The following FRMD4A variants were observed in gnomAD, a reference collection of about 807,000 sequenced individuals.
The protein encoded by FRMD4A is FERM domain-containing protein 4A.
In FRMD4A, 29 loss-of-function variants were observed where a neutral mutation model predicts 129.1. The ratio of observed to expected loss-of-function variants is 0.22; its 90% CI spans 0.17 to 0.31. The LOEUF (loss-of-function observed/expected upper bound fraction) is 0.31, where lower values mean the gene tolerates loss of function less well. FRMD4A is among the 10% of genes least tolerant of loss of function. FRMD4A has a pLI of 1.00. For missense variants in FRMD4A, 1,272 were observed against 1,375.8 expected (o/e 0.92, Z 1.19); for synonymous variants, 634 against 571.6 (o/e 1.11, Z -1.56).
At position 13,903,572 on chromosome 10, in the gene FRMD4A, T is replaced by A. The variant is rs554237327; in HGVS notation, c.46-44660A>T. Reference sequence around the variant, plus strand: ...AGCAAGACTCCAACTCTACAAAAAATGTTTTTAAATAAAAATTAGCCAGGT... The same window carrying A: ...AGCAAGACTCCAACTCTACAAAAAAAGTTTTTAAATAAAAATTAGCCAGGT... On this transcript the variant is annotated intron_variant, in intron 2 of 24. Coordinates refer to ENST00000357447, the MANE Select transcript of FRMD4A (RefSeq NM_018027.5). 2.8e-3 allele frequency among the ~76,000 whole-genome samples: 413 copies of A among 148,330 alleles called. 1 individual carries two copies. The highest frequency in any genetic ancestry group is 0.014 in the Middle Eastern group (4 of 280).
intron 2 of FRMD4A, among the ~76,000 whole-genome samples, chr10:14,033,051 A>G (rs1246994347): frequency 1.3e-5 from 2 of 152,222 alleles, no homozygotes; most frequent in Admixed American, 6.5e-5. Context: ...TCACGCCTAT[A>G]ATCCCAGCAC....
intron 2 of FRMD4A, among the ~76,000 whole-genome samples, chr10:14,016,667 C>A (rs988963415): frequency 2.0e-5 from 3 of 152,046 alleles, no homozygotes; most frequent in Admixed American, 2.0e-4. Context: ...AGGTTAAGAC[C>A]CCCTATCCCC....
chr10:14,144,639 A>C (rs1225956625), intron 2 of FRMD4A, among the ~76,000 whole-genome samples: 1 of 152,082 alleles, frequency 6.6e-6, no homozygotes, highest in Non-Finnish European at 1.5e-5. Context: ...AATTTGTGTC[A>C]CTCAGAAGGG....
At position 13,657,402 on chromosome 10, in the gene FRMD4A, G is replaced by T. The variant is rs759031284; in HGVS notation, c.2187C>A (p.Asp729Glu). Residue 729 changes from aspartate to glutamate, a missense_variant, in exon 22 of 25, where the codon GAC (aspartate) becomes GAA (glutamate). Asp to Glu is a conservative substitution (Grantham distance 45). Around this residue, in one of 2 missense-constraint regions of FRMD4A, gnomAD observed 972 missense variants for 892.3 expected, o/e 1.09. Transcript: ENST00000357447. Reference sequence around the variant, plus strand: ...TGCTACGAGTCCGCGGGGTGTAGAAGTCGGGGCTCCCGGTGTCGTTTTCCG... The same window carrying T: ...TGCTACGAGTCCGCGGGGTGTAGAATTCGGGGCTCCCGGTGTCGTTTTCCG... The part of the protein sequence containing the change: ...LGSENDTGSP[D>E]FYTPRTRSSN... The T allele has an allele frequency of 1.2e-6, 2 of 1,607,910 alleles. No individual in the cohort carries two copies. The highest frequency in any genetic ancestry group is 2.7e-5 in the African/African-American group (2 of 73,396).
chr10:14,089,630 C>CAAAAAAAAAAAA (rs59553317), intron 2 of FRMD4A, among the ~76,000 whole-genome samples: 6 of 130,786 alleles, frequency 4.6e-5, no homozygotes, highest in East Asian at 2.3e-4. Context: ...AAAAAAAAAA[C>CAAAAAAAAAAAA]AAAAAAAAAC....
At chr10:14,123,091 TA>T (rs1233491985) in intron 2 of FRMD4A, among the ~76,000 whole-genome samples, 4 of 147,844 alleles carry the variant, frequency 2.7e-5, no homozygotes, top group African/African-American at 7.5e-5. Flanking sequence ...ATTTCAATAT[TA>T]AAAAACCTTT....
At chr10:13,689,939 C>A (rs547014071) in intron 15 of FRMD4A, among the ~76,000 whole-genome samples, 3 of 152,100 alleles carry the variant, frequency 2.0e-5, no homozygotes, top group Non-Finnish European at 4.4e-5. Flanking sequence ...AATAACTGTG[C>A]ATCAAACACC....
intron 9 of FRMD4A, among the ~76,000 whole-genome samples, chr10:13,741,428 G>C (rs760371792): frequency 2.0e-5 from 3 of 152,110 alleles, no homozygotes; most frequent in Non-Finnish European, 2.9e-5. Flanking sequence ...TCCAGCCTGG[G>C]TGACAGAGTG....
At chr10:13,992,821 C>T (rs2447012) in intron 2 of FRMD4A, among the ~76,000 whole-genome samples, 3,401 of 151,782 alleles carry the variant, frequency 0.022, 123 homozygotes, top group African/African-American at 0.076. Context: ...GGCATGGTGG[C>T]GCATGCCTGT....
chr10:14,139,921 A>G (rs1239882407), intron 2 of FRMD4A, among the ~76,000 whole-genome samples: 1 of 152,238 alleles, frequency 6.6e-6, no homozygotes, highest in Non-Finnish European at 1.5e-5. Flanking sequence ...TAGAAACACT[A>G]TAACTAGAAG....
At chr10:14,188,619 C>T (rs1307658847) in intron 2 of FRMD4A, among the ~76,000 whole-genome samples, 2 of 152,176 alleles carry the variant, frequency 1.3e-5, no homozygotes, top group African/African-American at 2.4e-5. Context: ...CTTCAAAGTC[C>T]TCATCAACTC....
intron 2 of FRMD4A, among the ~76,000 whole-genome samples, chr10:14,284,829 C>G (rs949023390): frequency 1.3e-5 from 2 of 152,142 alleles, no homozygotes; most frequent in South Asian, 4.1e-4. Flanking sequence ...GTCTTCCCTT[C>G]CTGGAAAACT....
chr10:13,772,079 C>T lies in FRMD4A; in HGVS notation c.385-9399G>A, dbSNP rs544121557. Among the ~76,000 whole-genome samples the T allele has an allele frequency of 1.5e-3, 218 of 148,924 alleles. 1 individual carries two copies. The highest frequency in any genetic ancestry group is 3.5e-3 in the Middle Eastern group (1 of 286). ...TTGCAGTGAGCTGAGATCACGTCAC[C>T]GCACTCCAGCCTGGGTGACTGAGCA... is the stretch of plus-strand genomic sequence containing the variant. On this transcript the variant is annotated intron_variant, in intron 6 of 24. Transcript: ENST00000357447.
chr10:14,214,875 G>C (rs938769719), intron 2 of FRMD4A, among the ~76,000 whole-genome samples: 11 of 152,236 alleles, frequency 7.2e-5, no homozygotes, highest in Non-Finnish European at 1.5e-4. Flanking sequence ...CTACATAATA[G>C]CCTCCATACT....
chr10:13,840,087 T>C (rs564395150), intron 3 of FRMD4A, among the ~76,000 whole-genome samples: 48 of 152,316 alleles, frequency 3.2e-4, no homozygotes, highest in African/African-American at 1.1e-3. Flanking sequence ...TTGCTCGAGG[T>C]CACTGTTAGG....
At chr10:14,125,276 C>T (rs1838769988) in intron 2 of FRMD4A, among the ~76,000 whole-genome samples, 2 of 152,176 alleles carry the variant, frequency 1.3e-5, no homozygotes. Flanking sequence ...GTGTCCCCAG[C>T]TGCTTCTCCA....
chr10:13,855,369 A>C (rs1452473559), intron 3 of FRMD4A, among the ~76,000 whole-genome samples: 1 of 152,114 alleles, frequency 6.6e-6, no homozygotes, highest in African/African-American at 2.4e-5. Flanking sequence ...ATAGCCTTTG[A>C]TGAGTATGCT....
intron 2 of FRMD4A, among the ~76,000 whole-genome samples, chr10:14,100,929 G>A (rs1325393544): frequency 1.3e-5 from 2 of 152,010 alleles, no homozygotes; most frequent in African/African-American, 2.4e-5. Flanking sequence ...CAAGTCTTTC[G>A]GCATCTCAGA....
rs1236874197 is a variant in FRMD4A, at chr10:14,031,354, G to A, written c.46-172442C>T. Reference sequence around the variant, plus strand: ...ACAATCTCGGCTCACTGCAACCTCCGCCTCCCGGGTTCAAGTGATTCTCCT... The same window carrying A: ...ACAATCTCGGCTCACTGCAACCTCCACCTCCCGGGTTCAAGTGATTCTCCT... On this transcript the variant is annotated intron_variant, in intron 2 of 24. Coordinates refer to ENST00000357447, the MANE Select transcript of FRMD4A (RefSeq NM_018027.5). Among the ~76,000 whole-genome samples, 8 of 151,050 alleles carry A rather than the reference G, an allele frequency of 5.3e-5. No homozygotes were observed. The East Asian group carries it at 7.8e-4, about 15-fold the overall frequency.
Sources: gnomAD v4.1 joint callset for allele counts (sites outside exome capture counted in the v4.1 genomes callset) on GRCh38, gnomAD v4.1.1 for gene constraint, gnomAD v4.1.1 regional missense constraint, MANE v1.5 for transcripts, NCBI Gene and HGNC (gene_info 2026-07-23, HGNC 2026-07-21) for gene names.